HECW2: variants seen among roughly 807,000 people sequenced by gnomAD.
HECW2 encodes the protein HECT, C2 and WW domain containing E3 ubiquitin protein ligase 2.
HECW2 carries 61 observed loss-of-function variants against 175.2 expected under a neutral mutation model. The ratio of observed to expected loss-of-function variants is 0.35; its 90% CI spans 0.28 to 0.43. HECW2 has a LOEUF of 0.43. Ranked by LOEUF, HECW2 falls within the 20% of genes least tolerant of loss-of-function variation. The probability of loss-of-function intolerance (pLI) is 1.00; values close to 1 mark genes in which losing one functional copy is unlikely to be tolerated. For missense variants in HECW2, 1,524 were observed against 2,000.5 expected, an observed-to-expected ratio of 0.76 and a Z score of 4.54; for synonymous variants, 671 against 731.0, an observed-to-expected ratio of 0.92 and a Z score of 1.32.
chr2:196,227,194 C>T (rs1687881422), intron 22 of HECW2, among the ~76,000 whole-genome samples: 1 of 152,172 alleles, frequency 6.6e-6, no homozygotes, highest in Non-Finnish European at 1.5e-5. Context: ...AAGAGTAAGT[C>T]CTAAAAGATA....
intron 5 of HECW2, among the ~76,000 whole-genome samples, chr2:196,327,370 T>G (rs553490492): frequency 6.6e-6 from 1 of 152,362 alleles, no homozygotes. Flanking sequence ...TTCTGATCTT[T>G]TCTTTTTTGT....
chr2:196,349,560 T>C (rs948581280), intron 2 of HECW2, among the ~76,000 whole-genome samples: 3 of 152,088 alleles, frequency 2.0e-5, no homozygotes, highest in Non-Finnish European at 2.9e-5. Flanking sequence ...CATGCGTACC[T>C]TGGCCTCCCA....
intron 17 of HECW2, chr2:196,264,084 G>A (rs1270476442): frequency 1.3e-5 from 2 of 152,110 alleles, no homozygotes; most frequent in African/African-American, 4.8e-5. Flanking sequence ...TATTAACATA[G>A]AAGGGATGCT....
chr2:196,412,955 G>A lies in HECW2; in HGVS notation c.292+20177C>T, dbSNP rs1271816283. On this transcript the variant is annotated intron_variant, in intron 2 of 28. Transcript: ENST00000644978. ...AAATTCTGTCACCATCATCTGTCAT[G>A]GGTAAGCAACTTAACCTGTTAACTT... 5.3e-5 allele frequency among the ~76,000 whole-genome samples: 8 copies of A among 152,172 alleles called. No homozygotes were observed. The East Asian group carries it at 1.5e-3, about 29-fold the overall frequency.
chr2:196,385,218 T>C (rs1694314010), intron 2 of HECW2, among the ~76,000 whole-genome samples: 1 of 152,140 alleles, frequency 6.6e-6, no homozygotes, highest in Admixed American at 6.6e-5. Flanking sequence ...GGTCTGATGG[T>C]TTCTTTTCTG....
chr2:196,436,275 C>A lies in HECW2; in HGVS notation c.-35-2817G>T, dbSNP rs183972313. Among the ~76,000 whole-genome samples the A allele has an allele frequency of 4.4e-3, 667 of 152,010 alleles. 8 individuals are homozygous for A. The highest frequency in any genetic ancestry group is 0.015 in the African/African-American group (625 of 41,464). On this transcript the variant is annotated intron_variant, in intron 1 of 28. Coordinates refer to ENST00000644978, the MANE Select transcript of HECW2 (RefSeq NM_001348768.2). ...AATTAGCCAGGCGTGGTGGCGGGTG[C>A]CTGTAGTCCCAGCTACTCGGGAGGC...
At chr2:196,591,593 A>G (rs927870541) in intron 1 of HECW2, among the ~76,000 whole-genome samples, 1 of 152,222 alleles carries the variant, frequency 6.6e-6, no homozygotes, top group Admixed American at 6.5e-5. Context: ...TAGTAACGTT[A>G]CAGTGTCTCC....
chr2:196,299,993 TTG>T (rs1690979612), intron 13 of HECW2, among the ~76,000 whole-genome samples: 1 of 152,066 alleles, frequency 6.6e-6, no homozygotes, highest in Non-Finnish European at 1.5e-5. Flanking sequence ...CAGTCTCTAC[TTG>T]AAACAATGCA....
chr2:196,542,251 G>A (rs1689244161), intron 1 of HECW2, among the ~76,000 whole-genome samples: 1 of 139,754 alleles, frequency 7.2e-6, no homozygotes, highest in Non-Finnish European at 1.5e-5. Context: ...GCGACAGAGT[G>A]AGACTCTGTC....
intron 1 of HECW2, among the ~76,000 whole-genome samples, chr2:196,458,592 G>A (rs1696611150): frequency 6.6e-6 from 1 of 152,170 alleles, no homozygotes; most frequent in African/African-American, 2.4e-5. Context: ...TGTAGGCTGG[G>A]CGTGGTGGCT....
At chr2:196,309,621 C>CT (rs35588514) in intron 10 of HECW2, among the ~76,000 whole-genome samples, 148,382 of 152,324 alleles carry the variant, frequency 0.97, 72,399 homozygotes, top group Non-Finnish European at 1. Context: ...CCAATTACCC[C>CT]ATCTCATTCC....
At chr2:196,295,421 T>C (rs1236663205) in intron 13 of HECW2, among the ~76,000 whole-genome samples, 1 of 152,228 alleles carries the variant, frequency 6.6e-6, no homozygotes, top group African/African-American at 2.4e-5. Flanking sequence ...TATTTTCACA[T>C]AAGTCATTGC....
chr2:196,486,580 T>C (rs1457161864), intron 1 of HECW2, among the ~76,000 whole-genome samples: 1 of 151,884 alleles, frequency 6.6e-6, no homozygotes, highest in Non-Finnish European at 1.5e-5. Context: ...GGGCCCGGGG[T>C]GTGGGTGGCA....
Position 196,306,562 on chromosome 2 carries a change from T to C in HECW2, c.2740A>G (p.Thr914Ala), listed in dbSNP as rs770413027. 6.2e-7 allele frequency: 1 copy of C among 1,613,250 alleles called. No homozygotes were observed. Among genetic ancestry groups the C allele is most frequent in the South Asian group, 1.1e-5 (1 of 90,928 alleles). Residue 914 changes from threonine to alanine, a missense_variant, in exon 13 of 29, where the codon ACG becomes GCG. Thr to Ala is a moderately conservative substitution (Grantham distance 58). This residue lies in a region of HECW2 where 105 missense variants were observed against 98.1 expected (regional missense o/e 1.07). Transcript: ENST00000644978. ...LPHSTSRSRI[T>A]LLLQSPPVKF... The stretch of plus-strand genomic sequence containing the variant: ...ACGGGGGGAGACTGTAACAGCAACG[T>C]GATCCTGGATCTGGAGGTAGAGTGA...
rs191068781 is a variant in HECW2 at position 196,273,125 on chromosome 2, T to C, written c.3238+896A>G. On this transcript the variant is annotated intron_variant, in intron 16 of 28. Coordinates refer to ENST00000644978, the MANE Select transcript of HECW2 (RefSeq NM_001348768.2). ...GCTCTGTCCCTAGGCTGGAGTGCAG[T>C]GGTGCAATCTCGGCTCACTGGAACC... 4.3e-3 allele frequency among the ~76,000 whole-genome samples: 629 copies of C among 144,936 alleles called. 3 individuals carry two copies. The highest frequency in any genetic ancestry group is 0.019 in the South Asian group (88 of 4,654).
intron 23 of HECW2, among the ~76,000 whole-genome samples, chr2:196,224,532 A>G (rs1687779329): frequency 6.6e-6 from 1 of 152,198 alleles, no homozygotes; most frequent in Admixed American, 6.5e-5. Context: ...GAAAAGTTAA[A>G]AAAAAGAACC....
rs1416029579 is a variant in HECW2 at position 196,329,619 on chromosome 2, G to A, written c.527C>T (p.Ser176Leu). 1.2e-6 allele frequency: 2 copies of A among 1,613,716 alleles called. No homozygotes were observed. The highest frequency in any genetic ancestry group is 1.7e-6 in the Non-Finnish European group (2 of 1,179,680). The change falls in exon 5 of 29, where the codon TCA becomes TTA. Residue 176 changes from serine to leucine, a missense_variant. By Grantham distance (145) the Ser-to-Leu change is moderately radical. Around this residue, in one of 11 missense-constraint regions of HECW2, gnomAD observed 54 missense variants for 46.8 expected, o/e 1.15. Coordinates refer to ENST00000644978, the MANE Select transcript of HECW2 (RefSeq NM_001348768.2). Reference protein sequence around the residue: ...MGAEGMEGGASGNLHSRKLVS... With the variant: ...MGAEGMEGGALGNLHSRKLVS... ...AAGTTTTCGAGAATGCAGGTTTCCT[G>A]AAGCACCTCCCTCCATGCCTTCTGC...
At chr2:196,511,364 T>C (rs1687947704) in intron 1 of HECW2, among the ~76,000 whole-genome samples, 1 of 152,194 alleles carries the variant, frequency 6.6e-6, no homozygotes, top group South Asian at 2.1e-4. Context: ...AAGGTAGAAA[T>C]GGACTTTAAA....
In HECW2 at chr2:196,197,426, A is replaced by G. The variant is rs1686727429; in HGVS notation, c.*3851T>C. On this transcript the variant is annotated 3_prime_UTR_variant, in exon 29 of 29. Transcript: ENST00000644978. ...ATGTTTTCCATTATCTTGTTTCCAA[A>G]TAATACTTGAGAAAATTAAATGACT... 1 of 151,752 alleles carries G rather than the reference A, an allele frequency of 6.6e-6. No individual in the cohort carries two copies. The highest frequency in any genetic ancestry group is 2.4e-5 in the African/African-American group (1 of 41,258). The allele number at this position is 151,752 out of a possible 1,614,324, so 9.4% of individuals were successfully genotyped here. A position where few individuals can be genotyped will look rare whatever the true frequency, so the allele number is the denominator to read the frequency against.
Sources: allele counts gnomAD v4.1 joint callset (sites outside exome capture counted in the v4.1 genomes callset), GRCh38; gene constraint gnomAD v4.1.1; regional missense constraint gnomAD v4.1.1; transcripts MANE v1.5; gene names NCBI Gene and HGNC (gene_info 2026-07-23, HGNC 2026-07-21).